LRRC69: variants seen among roughly 807,000 people sequenced by gnomAD.
LRRC69 encodes the protein leucine rich repeat containing 69.
LRRC69 carries 42 observed loss-of-function variants against 37.8 expected under a neutral mutation model. The observed-to-expected ratio is 1.11, with a 90% CI of 0.87 to 1.44. The LOEUF (loss-of-function observed/expected upper bound fraction) is 1.44, where lower values mean the gene tolerates loss of function less well. LRRC69 is among the 40% of genes most tolerant of loss of function. The pLI is 0.00. For missense variants in LRRC69, 357 were observed against 401.9 expected, an observed-to-expected ratio of 0.89 and a Z score of 0.96; for synonymous variants, 141 against 143.1, an observed-to-expected ratio of 0.99 and a Z score of 0.11.
intron 5 of LRRC69, among the ~76,000 whole-genome samples, chr8:91,176,335 TG>T (rs1393010917): frequency 5.3e-5 from 8 of 151,600 alleles, no homozygotes; most frequent in African/African-American, 1.9e-4. Context: ...TTAGTAGAGA[TG>T]GGGTTTCACC....
At chr8:91,194,911 T>A (rs1275212780) in intron 6 of LRRC69, among the ~76,000 whole-genome samples, 1 of 152,028 alleles carries the variant, frequency 6.6e-6, no homozygotes, top group Non-Finnish European at 1.5e-5. Context: ...GCTCTTGCTT[T>A]TCTAGTTCTT....
At position 91,109,483 on chromosome 8, in the gene LRRC69, ACATTTTAATTGAATGT is replaced by A. The variant is rs1237957994; in HGVS notation, c.183+6656_183+6671del. Among the ~76,000 whole-genome samples, 39 of 152,272 alleles carry A rather than the reference ACATTTTAATTGAATGT, an allele frequency of 2.6e-4. No individual in the cohort carries two copies. The East Asian group carries it at 2.9e-3, about 11-fold the overall frequency. On this transcript the variant is annotated intron_variant, in intron 1 of 7. Transcript: ENST00000448384. ...CAAACTTCCAAACACTTAAGATTTT[ACATTTTAATTGAATGT>A]CATTTTAATTGAATGTTAAAATTTT...
At chr8:91,116,670 A>G (rs1287393236) in intron 1 of LRRC69, among the ~76,000 whole-genome samples, 2 of 151,998 alleles carry the variant, frequency 1.3e-5, no homozygotes, top group Non-Finnish European at 2.9e-5. Flanking sequence ...CCGTAGAATG[A>G]ACCTAGGTCA....
chr8:91,110,447 C>T (rs953043397), intron 1 of LRRC69, among the ~76,000 whole-genome samples: 7 of 151,964 alleles, frequency 4.6e-5, no homozygotes, highest in Non-Finnish European at 1.0e-4. Context: ...TGAGACCAGC[C>T]TTACCAACAT....
rs537286843 is a variant in LRRC69 at position 91,105,253 on chromosome 8, A to G, written c.183+2409A>G. Among the ~76,000 whole-genome samples, 30 of 150,276 alleles carry G rather than the reference A, an allele frequency of 2.0e-4. 1 individual carries two copies. The highest frequency in any genetic ancestry group is 1.3e-3 in the South Asian group (6 of 4,716). ...TCTTGGAGAAATTGTGGAATTTTGG[A>G]AAAAAAAACACAATTTTCCCTATGT... On this transcript the variant is annotated intron_variant, in intron 1 of 7. Transcript: ENST00000448384.
rs899424912 is a variant in LRRC69 at position 91,199,562 on chromosome 8, G to C, written c.754-1051G>C. Among the ~76,000 whole-genome samples the C allele has an allele frequency of 1.3e-4, 20 of 152,198 alleles. No homozygotes were observed. The South Asian group carries it at 2.9e-3, about 22-fold the overall frequency. On this transcript the variant is annotated intron_variant, in intron 6 of 7. Coordinates refer to ENST00000448384, the Ensembl canonical transcript of LRRC69. ...TCATGCATGGGGAGAATGCATGAAA[G>C]ATTATGTGTGTATATATGTATTTTC...
intron 1 of LRRC69, among the ~76,000 whole-genome samples, chr8:91,115,269 A>G (rs1245138188): frequency 6.6e-6 from 1 of 152,072 alleles, no homozygotes; most frequent in Non-Finnish European, 1.5e-5. Flanking sequence ...AAGCTGTTAA[A>G]TAATAGGATG....
At chr8:91,196,988 C>T (rs939178172) in intron 6 of LRRC69, among the ~76,000 whole-genome samples, 2 of 151,408 alleles carry the variant, frequency 1.3e-5, no homozygotes, top group African/African-American at 2.4e-5. Context: ...TACTTTTGGT[C>T]TTTGATGATG....
At chr8:91,128,413 G>T (rs1238970369) in intron 3 of LRRC69, among the ~76,000 whole-genome samples, 1 of 151,962 alleles carries the variant, frequency 6.6e-6, no homozygotes, top group African/African-American at 2.4e-5. Context: ...TGCTTTCACT[G>T]AAGAAAGTAG....
At chr8:91,192,531 T>A (rs868170300) in intron 6 of LRRC69, among the ~76,000 whole-genome samples, 5 of 150,898 alleles carry the variant, frequency 3.3e-5, no homozygotes, top group Non-Finnish European at 7.4e-5. Flanking sequence ...TTTTAATGAT[T>A]GCCATTCTAA....
intron 6 of LRRC69, among the ~76,000 whole-genome samples, chr8:91,194,991 A>T (rs934532086): frequency 2.6e-5 from 4 of 152,080 alleles, no homozygotes; most frequent in African/African-American, 9.7e-5. Flanking sequence ...ATTGCTATAA[A>T]TTTCCCTCTA....
At chr8:91,123,655 T>C (rs559420583) in intron 1 of LRRC69, among the ~76,000 whole-genome samples, 31 of 152,130 alleles carry the variant, frequency 2.0e-4, no homozygotes, top group Admixed American at 1.7e-3. Context: ...GCCCTTACTA[T>C]TAAAATTCTA....
At chr8:91,151,910 T>G (rs1261449548) in intron 5 of LRRC69, among the ~76,000 whole-genome samples, 1 of 151,858 alleles carries the variant, frequency 6.6e-6, no homozygotes, top group Non-Finnish European at 1.5e-5. Flanking sequence ...GTTGAGCTTT[T>G]TTTTTCATAT....
rs1358382713 is a variant in LRRC69, at chr8:91,140,862, C to T, written c.651+5123C>T. ...TAGAGACGGGGTTTCACCGTTTTAG[C>T]CGGGATGGTCTCGATCTCCTGACCT... is the stretch of plus-strand genomic sequence containing the variant. On this transcript the variant is annotated intron_variant, in intron 5 of 7. Coordinates refer to ENST00000448384, the Ensembl canonical transcript of LRRC69. 4.1e-4 allele frequency among the ~76,000 whole-genome samples: 9 copies of T among 22,012 alleles called. 4 individuals are homozygous for T. The highest frequency in any genetic ancestry group is 9.1e-4 in the African/African-American group (4 of 4,416). The allele number at this position is 22,012 out of a possible 152,430, so 14.4% of individuals were successfully genotyped here. A position where few individuals can be genotyped will look rare whatever the true frequency, so the allele number is the denominator to read the frequency against.
At chr8:91,214,703 A>G (rs1810006564) in intron 7 of LRRC69, among the ~76,000 whole-genome samples, 1 of 152,132 alleles carries the variant, frequency 6.6e-6, no homozygotes, top group Middle Eastern at 3.2e-3. Context: ...GAGGGCTGCC[A>G]TTGTTATGCT....
chr8:91,182,540 G>A (rs1313922600), intron 5 of LRRC69, among the ~76,000 whole-genome samples: 1 of 152,160 alleles, frequency 6.6e-6, no homozygotes, highest in Non-Finnish European at 1.5e-5. Flanking sequence ...TAAGTACTTT[G>A]TATGGATTAC....
intron 5 of LRRC69, among the ~76,000 whole-genome samples, chr8:91,152,141 A>G (rs1808750778): frequency 6.6e-6 from 1 of 151,210 alleles, no homozygotes; most frequent in African/African-American, 2.4e-5. Flanking sequence ...CTTTAATTAG[A>G]TCCCATTTGT....
chr8:91,122,371 C>T (rs1033528760), intron 1 of LRRC69, among the ~76,000 whole-genome samples: 1 of 151,948 alleles, frequency 6.6e-6, no homozygotes, highest in African/African-American at 2.4e-5. Context: ...GAAGGGCAGG[C>T]ATGGTTACTG....
At position 91,110,298 on chromosome 8, in the gene LRRC69, G is replaced by A. The variant is rs144279972; in HGVS notation, c.183+7454G>A. Among the ~76,000 whole-genome samples, 114 of 152,168 alleles carry A rather than the reference G, an allele frequency of 7.5e-4. 1 individual carries two copies. In the East Asian group the frequency reaches 0.021, roughly 28 times the overall value. On this transcript the variant is annotated intron_variant, in intron 1 of 7. Transcript: ENST00000448384. ...AACCATGATTTAGTTTAGGAAGACA[G>A]TCTTCCAGATAAAGATGGACATTTG...
Sources: allele counts gnomAD v4.1 joint callset (sites outside exome capture counted in the v4.1 genomes callset), GRCh38; gene constraint gnomAD v4.1.1; transcripts MANE v1.5; gene names NCBI Gene and HGNC (gene_info 2026-07-23, HGNC 2026-07-21).